VWC2L: variants seen among roughly 807,000 people sequenced by gnomAD.
VWC2L encodes the protein von Willebrand factor C domain containing 2 like, also known as von Willebrand factor C domain-containing protein 2-like.
Under a neutral mutation model 21.6 loss-of-function variants are expected in VWC2L, and 10 were observed. The observed-to-expected ratio is 0.46, with a 90% CI of 0.29 to 0.78. The LOEUF (loss-of-function observed/expected upper bound fraction) is 0.78, where lower values mean the gene tolerates loss of function less well. VWC2L is among the 30% of genes least tolerant of loss of function. The pLI is 0.10. For synonymous variants in VWC2L, 96 were observed against 94.3 expected, an observed-to-expected ratio of 1.02 and a Z score of -0.10; for missense variants, 209 against 277.1, an observed-to-expected ratio of 0.75 and a Z score of 1.74.
At chr2:214,496,046 T>A (rs1011598077) in intron 3 of VWC2L, among the ~76,000 whole-genome samples, 9 of 152,088 alleles carry the variant, frequency 5.9e-5, no homozygotes, top group African/African-American at 1.9e-4. Flanking sequence ...ATGGCATAGC[T>A]TACTACACAC....
intron 3 of VWC2L, among the ~76,000 whole-genome samples, chr2:214,448,726 A>G (rs1438652512): frequency 6.6e-6 from 1 of 152,214 alleles, no homozygotes; most frequent in African/African-American, 2.4e-5. Context: ...ATCAAATTCT[A>G]AAGATAAAGT....
chr2:214,537,086 C>T (rs1239495015), intron 3 of VWC2L, among the ~76,000 whole-genome samples: 1 of 151,828 alleles, frequency 6.6e-6, no homozygotes, highest in Non-Finnish European at 1.5e-5. Context: ...AGATTTCCCC[C>T]ATCCCTCTCT....
intron 3 of VWC2L, among the ~76,000 whole-genome samples, chr2:214,450,305 T>C (rs1702934366): frequency 6.6e-6 from 1 of 152,058 alleles, no homozygotes. Flanking sequence ...CTGAGTGAAG[T>C]AATCAGCCCC....
intron 3 of VWC2L, among the ~76,000 whole-genome samples, chr2:214,437,088 T>G (rs963510698): frequency 9.2e-5 from 14 of 152,146 alleles, no homozygotes; most frequent in African/African-American, 3.4e-4. Flanking sequence ...GTAGAGCCAA[T>G]GAAGCAGTTC....
At chr2:214,520,282 G>A (rs1689215219) in intron 3 of VWC2L, among the ~76,000 whole-genome samples, 1 of 152,070 alleles carries the variant, frequency 6.6e-6, no homozygotes, top group Non-Finnish European at 1.5e-5. Context: ...CATACATGAT[G>A]CTCATCCTAT....
chr2:214,516,270 C>CA (rs1689141967), intron 3 of VWC2L, among the ~76,000 whole-genome samples: 1 of 152,024 alleles, frequency 6.6e-6, no homozygotes. Context: ...GGAGTCAGCT[C>CA]ATAAATGATT....
At chr2:214,552,318 T>C (rs1172744982) in intron 3 of VWC2L, among the ~76,000 whole-genome samples, 1 of 152,214 alleles carries the variant, frequency 6.6e-6, no homozygotes, top group Non-Finnish European at 1.5e-5. Context: ...CTACCTCTGG[T>C]TACTTAGCCC....
chr2:214,547,939 A>G, intron 3 of VWC2L, among the ~76,000 whole-genome samples: 1 of 152,232 alleles, frequency 6.6e-6, no homozygotes, highest in Non-Finnish European at 1.5e-5. Flanking sequence ...TGAGTCCACA[A>G]ATACATGAAG....
At chr2:214,556,483 A>C (rs1184540863) in intron 3 of VWC2L, among the ~76,000 whole-genome samples, 1 of 152,132 alleles carries the variant, frequency 6.6e-6, no homozygotes, top group Non-Finnish European at 1.5e-5. Context: ...TTTCATGAGA[A>C]TCTAGAAACA....
intron 3 of VWC2L, among the ~76,000 whole-genome samples, chr2:214,567,543 C>T (rs1248842684): frequency 1.4e-5 from 1 of 69,542 alleles, no homozygotes; most frequent in Non-Finnish European, 3.1e-5. Context: ...CCCCTTCATC[C>T]ACATACACAC....
At chr2:214,427,687 A>C (rs192915755) in intron 2 of VWC2L, among the ~76,000 whole-genome samples, 19 of 152,290 alleles carry the variant, frequency 1.2e-4, no homozygotes, top group African/African-American at 4.1e-4. Context: ...CAAAATCTGC[A>C]AATACTCTGT....
At chr2:214,445,988 C>G (rs1358095151) in intron 3 of VWC2L, among the ~76,000 whole-genome samples, 1 of 152,132 alleles carries the variant, frequency 6.6e-6, no homozygotes, top group Non-Finnish European at 1.5e-5. Flanking sequence ...TTTTATGCAT[C>G]TATTAGGGAA....
At position 214,414,560 on chromosome 2, in the gene VWC2L, T is replaced by C; in HGVS notation, c.367T>C (p.Tyr123His). ...CTTCTGTGAATATCACGGGAAAAAT[T>C]ACAAAATCTTGGAGGAATTTAAGGT... ...KNFCEYHGKN[Y>H]KILEEFKPSP... Residue 123 changes from tyrosine (Y) to histidine (H), a missense_variant, in exon 2 of 4, where the codon TAC (tyrosine) becomes CAC (histidine). Physicochemically the swap from Tyr to His is moderately conservative, Grantham distance 83. Coordinates refer to ENST00000312504, the MANE Select transcript of VWC2L (RefSeq NM_001080500.4). 1 of 1,612,806 alleles carries C rather than the reference T, an allele frequency of 6.2e-7. No homozygotes were observed. Among genetic ancestry groups the C allele is most frequent in the Non-Finnish European group, 8.5e-7 (1 of 1,179,518 alleles).
chr2:214,558,012 G>C (rs1242781137), intron 3 of VWC2L, among the ~76,000 whole-genome samples: 3 of 152,018 alleles, frequency 2.0e-5, no homozygotes, highest in Non-Finnish European at 4.4e-5. Flanking sequence ...CCCCAGCCTG[G>C]CCTTTGCCTT....
At chr2:214,556,533 C>T (rs546188028) in intron 3 of VWC2L, among the ~76,000 whole-genome samples, 1 of 152,242 alleles carries the variant, frequency 6.6e-6, no homozygotes, top group Admixed American at 6.5e-5. Flanking sequence ...GCTAGAGTTA[C>T]CCCCACCCGA....
intron 3 of VWC2L, among the ~76,000 whole-genome samples, chr2:214,543,836 G>A (rs1574628012): frequency 6.6e-6 from 1 of 152,302 alleles, no homozygotes; most frequent in Middle Eastern, 3.4e-3. Flanking sequence ...CTTTTGGCCA[G>A]ATCTGCCAAA....
At chr2:214,454,749 C>A (rs1703030650) in intron 3 of VWC2L, among the ~76,000 whole-genome samples, 1 of 151,264 alleles carries the variant, frequency 6.6e-6, no homozygotes, top group Admixed American at 6.6e-5. Context: ...ACTACAGGCG[C>A]CTGCCACCAC....
At chr2:214,535,623 G>C (rs986456297) in intron 3 of VWC2L, among the ~76,000 whole-genome samples, 1 of 152,006 alleles carries the variant, frequency 6.6e-6, no homozygotes, top group Non-Finnish European at 1.5e-5. Context: ...TAAACAAAAG[G>C]GTGATCCTTA....
intron 3 of VWC2L, among the ~76,000 whole-genome samples, chr2:214,550,425 G>A (rs949934085): frequency 6.6e-6 from 1 of 152,014 alleles, no homozygotes; most frequent in Admixed American, 6.6e-5. Context: ...TATTTCTAAT[G>A]TATCCAACAC....
Sources: allele counts gnomAD v4.1 joint callset (sites outside exome capture counted in the v4.1 genomes callset), GRCh38; gene constraint gnomAD v4.1.1; transcripts MANE v1.5; gene names NCBI Gene and HGNC (gene_info 2026-07-23, HGNC 2026-07-21).